TTI1: variants seen among roughly 807,000 people sequenced by gnomAD.
TTI1 encodes the protein TELO2 interacting protein 1.
In TTI1, 52 loss-of-function variants were observed where a neutral mutation model predicts 85.4. The observed-to-expected ratio is 0.61, with a 90% CI of 0.49 to 0.77. The LOEUF (loss-of-function observed/expected upper bound fraction) is 0.77, where lower values mean the gene tolerates loss of function less well. Ranked by LOEUF, TTI1 falls within the 30% of genes least tolerant of loss-of-function variation. TTI1 has a pLI of 0.00. For synonymous variants in TTI1, 512 were observed against 503.9 expected, an observed-to-expected ratio of 1.02 and a Z score of -0.22; for missense variants, 1,173 against 1,296.0, an observed-to-expected ratio of 0.91 and a Z score of 1.46.
chr20:37,999,425 A>C, intron 4 of TTI1, 97 bp from the exon 5 acceptor site: 1 of 1,249,542 alleles, frequency 8.0e-7, no homozygotes. Context: ...GAAACGTATT[A>C]ATTGGATAAT....
intron 2 of TTI1, 112 bp downstream of exon 2, chr20:38,011,403 T>TA: frequency 1.6e-6 from 2 of 1,232,306 alleles, no homozygotes; most frequent in Non-Finnish European, 2.2e-6. Context: ...AGAAAATGAT[T>TA]AAAACGTCCT....
In TTI1 at chr20:38,006,140, T is replaced by G. The variant is rs2073494309; in HGVS notation, c.2503+57A>C. On this transcript the variant is annotated intron_variant, in intron 3 of 7. Transcript: ENST00000373447. Reference sequence around the variant, plus strand: ...CTTTCTGTAATGATGTTTCACCATTTTTACAATAATCTGTTTCAGAAAGAA... The same window carrying G: ...CTTTCTGTAATGATGTTTCACCATTGTTACAATAATCTGTTTCAGAAAGAA... The G allele has an allele frequency of 1.3e-5, 21 of 1,593,884 alleles. No individual in the cohort carries two copies. In the South Asian group the frequency reaches 2.3e-4, roughly 18 times the overall value.
intron 7 of TTI1, among the ~76,000 whole-genome samples, chr20:37,991,818 T>G (rs1214075765): frequency 6.6e-6 from 1 of 152,188 alleles, no homozygotes; most frequent in African/African-American, 2.4e-5. Flanking sequence ...CCTATCTTGT[T>G]CCCTCTAATT....
rs760253164 is a variant in TTI1, at chr20:37,999,210, AG to A, written c.2770del (p.Leu924TrpfsTer37). On this transcript the variant is annotated frameshift_variant, in exon 5 of 8. Coordinates refer to ENST00000373447, the MANE Select transcript of TTI1 (RefSeq NM_001303457.2). LOFTEE classifies it high-confidence loss of function. ...LVHRLTRDAP[L>X]AVLRAFKVLR... ...TACCTTGAAGGCTCTAAGCACTGCC[AG>A]GGGGGCGTCCCGTGTGAGTCGGTGA... 4.9e-5 allele frequency: 73 copies of A among 1,486,910 alleles called. No individual in the cohort carries two copies. Among genetic ancestry groups the A allele is most frequent in the Non-Finnish European group, 5.8e-5 (65 of 1,115,472 alleles). The allele number at this position is 1,486,910 out of a possible 1,614,324, so 92.1% of individuals were successfully genotyped here.
At chr20:37,991,257 G>C (rs987871824) in intron 7 of TTI1, among the ~76,000 whole-genome samples, 4 of 152,216 alleles carry the variant, frequency 2.6e-5, no homozygotes, top group Admixed American at 2.0e-4. Flanking sequence ...CAATCCAAGG[G>C]GGAACAGCTT....
intron 2 of TTI1, among the ~76,000 whole-genome samples, chr20:38,010,502 ACT>A (rs1454276351): frequency 8.4e-6 from 1 of 119,194 alleles, no homozygotes; most frequent in Admixed American, 1.1e-4. Flanking sequence ...ACAGAGTCTC[ACT>A]CTGTCACCCA....
chr20:38,032,411 C>G (rs1344824810), intron 1 of TTI1, among the ~76,000 whole-genome samples: 1 of 152,168 alleles, frequency 6.6e-6, no homozygotes, highest in Admixed American at 6.5e-5. Context: ...TAGAGTCTGC[C>G]CACAACTAGG....
At chr20:38,016,659 C>G (rs892164834) in intron 1 of TTI1, among the ~76,000 whole-genome samples, 15 of 152,190 alleles carry the variant, frequency 9.9e-5, no homozygotes, top group African/African-American at 3.6e-4. Context: ...CCCTTTGACA[C>G]CTTTCAAATC....
At chr20:38,008,724 TA>T (rs1231597302) in intron 2 of TTI1, among the ~76,000 whole-genome samples, 1 of 152,172 alleles carries the variant, frequency 6.6e-6, no homozygotes, top group Non-Finnish European at 1.5e-5. Flanking sequence ...ACACCCATCT[TA>T]AAAGAGTGGA....
chr20:37,987,621 G>A (rs547434625), intron 7 of TTI1, among the ~76,000 whole-genome samples: 93 of 152,296 alleles, frequency 6.1e-4, no homozygotes, highest in African/African-American at 2.1e-3. Flanking sequence ...GTCCTGAGGC[G>A]AGTGATTATC....
intron 2 of TTI1, among the ~76,000 whole-genome samples, chr20:38,007,668 GA>G (rs914727212): frequency 2.0e-5 from 3 of 152,168 alleles, no homozygotes; most frequent in Non-Finnish European, 2.9e-5. Context: ...AGACAGCTGG[GA>G]AAAAAACTCT....
intron 1 of TTI1, among the ~76,000 whole-genome samples, chr20:38,021,426 ATTAC>A (rs1012147602): frequency 3.3e-5 from 5 of 152,198 alleles, no homozygotes; most frequent in Admixed American, 3.3e-4. Context: ...TGCAACCCTG[ATTAC>A]TTAGAGTGGT....
intron 7 of TTI1, among the ~76,000 whole-genome samples, chr20:37,995,227 C>T (rs891113636): frequency 2.0e-5 from 3 of 151,838 alleles, no homozygotes; most frequent in South Asian, 4.2e-4. Flanking sequence ...AGGGATGTGA[C>T]GGGAAAGGGA....
At chr20:37,989,732 C>G (rs1289626860) in intron 7 of TTI1, among the ~76,000 whole-genome samples, 1 of 152,368 alleles carries the variant, frequency 6.6e-6, no homozygotes, top group East Asian at 1.9e-4. Flanking sequence ...GGTATGTACC[C>G]TTGAAGATAA....
chr20:37,995,143 T>A (rs576409806), intron 7 of TTI1, among the ~76,000 whole-genome samples: 6 of 152,202 alleles, frequency 3.9e-5, no homozygotes, highest in African/African-American at 1.4e-4. Context: ...CTGTACGGAA[T>A]AAAAATGCCT....
chr20:38,012,842 C>T lies in TTI1; in HGVS notation c.975G>A (p.Leu325=), dbSNP rs367694293. 1.9e-5 allele frequency: 31 copies of T among 1,614,024 alleles called. No individual in the cohort carries two copies. The highest frequency in any genetic ancestry group is 2.1e-5 in the Non-Finnish European group (25 of 1,180,032). ...TCAGAAGGGGACCAGCACATTCGAC[C>T]AATGATTGACTGCACTTCAAAAGAA... ...EDLLLKCSQS[L]VECAGPLLKA... The change falls in exon 2 of 8, where the codon TTG becomes TTA. Residue 325 remains leucine, a synonymous_variant. Coordinates refer to ENST00000373447, the MANE Select transcript of TTI1 (RefSeq NM_001303457.2).
chr20:38,011,970 G>C lies in TTI1; in HGVS notation c.1847C>G (p.Thr616Ser). ...SFLAFSKPSPTICSMNSNIWQ... is the reference protein window; with the variant it reads ...SFLAFSKPSPSICSMNSNIWQ... Reference sequence around the variant, plus strand: ...GATGTTACTGTTCATGGAGCAAATAGTGGGACTTGGCTTTGAGAAGGCTAG... The same window carrying C: ...GATGTTACTGTTCATGGAGCAAATACTGGGACTTGGCTTTGAGAAGGCTAG... The change falls in exon 2 of 8, where the codon ACT becomes AGT. Residue 616 changes from threonine to serine, a missense_variant. Thr to Ser is a moderately conservative substitution (Grantham distance 58, BLOSUM62 1). Coordinates refer to ENST00000373447, the MANE Select transcript of TTI1 (RefSeq NM_001303457.2). The C allele has an allele frequency of 6.2e-7, 1 of 1,614,254 alleles. No homozygotes were observed. The highest frequency in any genetic ancestry group is 8.5e-7 in the Non-Finnish European group (1 of 1,180,052).
intron 4 of TTI1, among the ~76,000 whole-genome samples, chr20:37,999,944 G>A (rs1002516601): frequency 6.6e-6 from 1 of 152,212 alleles, no homozygotes; most frequent in Non-Finnish European, 1.5e-5. Flanking sequence ...TACAATTCAT[G>A]TTTTAGAAAG....
In TTI1 at chr20:38,016,987, C is replaced by T. The variant is rs149394667; in HGVS notation, c.-41-3130G>A. Among the ~76,000 whole-genome samples, 693 of 152,302 alleles carry T rather than the reference C, an allele frequency of 4.6e-3. 1 individual carries two copies. Among genetic ancestry groups the T allele is most frequent in the Non-Finnish European group, 7.5e-3 (510 of 68,014 alleles). On this transcript the variant is annotated intron_variant, in intron 1 of 7. Transcript: ENST00000373447. The stretch of plus-strand genomic sequence containing the variant: ...TTCTACCACTTTGATCTCTAACCTG[C>T]AATCATGTAAAATTTATAAAACTTG...
Sources: allele counts gnomAD v4.1 joint callset (sites outside exome capture counted in the v4.1 genomes callset), GRCh38; gene constraint gnomAD v4.1.1; transcripts MANE v1.5; gene names NCBI Gene and HGNC (gene_info 2026-07-23, HGNC 2026-07-21).